TRAPPC13: variants seen among roughly 807,000 people sequenced by gnomAD.
TRAPPC13 encodes the protein trafficking protein particle complex subunit 13, also known as REV7-interacting novel NHEJ regulator 1.
Under a neutral mutation model 54.0 loss-of-function variants are expected in TRAPPC13, and 39 were observed. That is an observed-to-expected ratio of 0.72 (90% CI 0.56 to 0.94). The LOEUF (loss-of-function observed/expected upper bound fraction) is 0.94, where lower values mean the gene tolerates loss of function less well. TRAPPC13 is among the 40% of genes least tolerant of loss of function. The probability of loss-of-function intolerance (pLI) is 0.00; values close to 1 mark genes in which losing one functional copy is unlikely to be tolerated. For missense variants in TRAPPC13, 386 were observed against 488.1 expected (o/e 0.79, Z 1.97); for synonymous variants, 148 against 167.7 (o/e 0.88, Z 0.91).
chr5:65,640,621 T>C (rs749562945), intron 4 of TRAPPC13, among the ~76,000 whole-genome samples: 1 of 152,250 alleles, frequency 6.6e-6, no homozygotes, highest in Non-Finnish European at 1.5e-5. Flanking sequence ...TTTGAGAACA[T>C]ATACTTTTGT....
intron 1 of TRAPPC13, among the ~76,000 whole-genome samples, chr5:65,628,943 T>C (rs542383852): frequency 6.6e-6 from 1 of 151,690 alleles, no homozygotes; most frequent in East Asian, 1.9e-4. Flanking sequence ...TCAGCTTCCC[T>C]AGTAGCTGGG....
At chr5:65,638,767 C>T (rs1364068004) in intron 4 of TRAPPC13, among the ~76,000 whole-genome samples, 1 of 152,136 alleles carries the variant, frequency 6.6e-6, no homozygotes, top group Non-Finnish European at 1.5e-5. Flanking sequence ...AGAGCTTGTG[C>T]GGGGAAACTC....
intron 7 of TRAPPC13, among the ~76,000 whole-genome samples, chr5:65,655,123 C>A (rs1249816514): frequency 1.3e-5 from 2 of 152,112 alleles, no homozygotes; most frequent in Non-Finnish European, 2.9e-5. Flanking sequence ...GAAGAGAATT[C>A]TCAATTTTTT....
chr5:65,630,362 A>G, intron 1 of TRAPPC13: 2 of 1,465,570 alleles, frequency 1.4e-6, no homozygotes, highest in Non-Finnish European at 1.8e-6. Flanking sequence ...GATTGTCAAA[A>G]AGAATATTCT....
At chr5:65,635,240 T>G (rs373095857) in intron 1 of TRAPPC13, 61 bp from the exon 2 acceptor site, 2 of 1,402,400 alleles carry the variant, frequency 1.4e-6, no homozygotes, top group South Asian at 1.2e-5. Context: ...ACACTAGACT[T>G]GAGAATATTA....
intron 5 of TRAPPC13, among the ~76,000 whole-genome samples, chr5:65,647,694 C>T (rs1272835304): frequency 6.6e-6 from 1 of 151,858 alleles, no homozygotes; most frequent in East Asian, 1.9e-4. Flanking sequence ...GTCTGAGAGG[C>T]AATATGAAAA....
At chr5:65,631,913 A>AG (rs1554127834) in intron 1 of TRAPPC13, among the ~76,000 whole-genome samples, 2 of 102,722 alleles carry the variant, frequency 1.9e-5, no homozygotes, top group South Asian at 3.5e-4. Flanking sequence ...CAGGACACTA[A>AG]GAAAAAAAAA....
chr5:65,646,582 T>C (rs1358721424), intron 4 of TRAPPC13, among the ~76,000 whole-genome samples: 2 of 152,176 alleles, frequency 1.3e-5, no homozygotes, highest in Non-Finnish European at 2.9e-5. Flanking sequence ...CCACAATGTA[T>C]TATTTTGTTT....
intron 4 of TRAPPC13, among the ~76,000 whole-genome samples, chr5:65,644,824 T>C (rs11748197): frequency 0.056 from 8,416 of 148,982 alleles, 339 homozygotes; most frequent in Non-Finnish European, 0.088. Context: ...GAGGTTGCAG[T>C]GAGCCAAGAT....
At chr5:65,630,534 T>C (rs1755497321) in intron 1 of TRAPPC13, 1 of 1,271,562 alleles carries the variant, frequency 7.9e-7, no homozygotes, top group Non-Finnish European at 9.9e-7. Context: ...TTGTTTACAC[T>C]GAATTTGAAG....
chr5:65,643,568 C>G (rs1294667252), intron 4 of TRAPPC13, among the ~76,000 whole-genome samples: 2 of 151,926 alleles, frequency 1.3e-5, no homozygotes, highest in African/African-American at 4.8e-5. Flanking sequence ...CCTGTAATCC[C>G]AGCACTTTGG....
intron 6 of TRAPPC13, among the ~76,000 whole-genome samples, 195 bp from the exon 7 acceptor site, chr5:65,652,306 T>C (rs995622016): frequency 4.0e-5 from 6 of 148,702 alleles, no homozygotes; most frequent in Non-Finnish European, 4.5e-5. Context: ...TGGTAGCCTC[T>C]CAAAAAATAC....
At position 65,635,413 on chromosome 5, in the gene TRAPPC13, A is replaced by T. The variant is rs372468667; in HGVS notation, c.115+44A>T. Reference sequence around the variant, plus strand: ...TCTATTTGCACCTAGGGAAAGGTTGAAACCTGAATTGCCTGCATTACCTTG... The same window carrying T: ...TCTATTTGCACCTAGGGAAAGGTTGTAACCTGAATTGCCTGCATTACCTTG... On this transcript the variant is annotated intron_variant, in intron 2 of 12. Transcript: ENST00000399438. 44 of 1,511,484 alleles carry T rather than the reference A, an allele frequency of 2.9e-5. No individual in the cohort carries two copies. In the African/African-American group the frequency reaches 5.9e-4, roughly 20 times the overall value. The allele number at this position is 1,511,484 out of a possible 1,614,324, so 93.6% of individuals were successfully genotyped here.
At chr5:65,639,497 CA>C (rs1448522106) in intron 4 of TRAPPC13, among the ~76,000 whole-genome samples, 1 of 152,038 alleles carries the variant, frequency 6.6e-6, no homozygotes, top group African/African-American at 2.4e-5. Flanking sequence ...CCCATCTCTA[CA>C]AACAATTTAA....
At chr5:65,648,937 G>A (rs775850355) in intron 5 of TRAPPC13, among the ~76,000 whole-genome samples, 5 of 152,004 alleles carry the variant, frequency 3.3e-5, no homozygotes, top group African/African-American at 4.8e-5. Context: ...TTTTTGGGCC[G>A]GGTGTGGTGG....
chr5:65,627,980 C>A (rs964768895), intron 1 of TRAPPC13, among the ~76,000 whole-genome samples: 1 of 152,032 alleles, frequency 6.6e-6, no homozygotes, highest in African/African-American at 2.4e-5. Flanking sequence ...GTGGGAGAAC[C>A]CTCATCAAGT....
intron 5 of TRAPPC13, among the ~76,000 whole-genome samples, chr5:65,648,831 T>A (rs1234653570): frequency 6.6e-6 from 1 of 152,162 alleles, no homozygotes; most frequent in Admixed American, 6.5e-5. Context: ...TAAATAATAT[T>A]TTACAAAATT....
chr5:65,643,105 G>T lies in TRAPPC13; in HGVS notation c.301-3950G>T, dbSNP rs137999776. Among the ~76,000 whole-genome samples the T allele has an allele frequency of 2.9e-3, 438 of 150,900 alleles. 2 individuals are homozygous for T. The highest frequency in any genetic ancestry group is 5.3e-3 in the Non-Finnish European group (359 of 67,808). ...TTTAAAGAATTCTGTAATTTCAGTC[G>T]TATTTCACCTTCTACCCAAGGGTTG... is the stretch of plus-strand genomic sequence containing the variant. On this transcript the variant is annotated intron_variant, in intron 4 of 12. Coordinates refer to ENST00000399438, the MANE Select transcript of TRAPPC13 (RefSeq NM_024941.4).
chr5:65,662,190 A>T, intron 11 of TRAPPC13, 40 bp downstream of exon 11: 1 of 1,380,488 alleles, frequency 7.2e-7, no homozygotes, highest in South Asian at 1.3e-5. Context: ...TTTCTACCTC[A>T]CCTGCCTAGA....
Sources: allele counts gnomAD v4.1 joint callset (sites outside exome capture counted in the v4.1 genomes callset), GRCh38; gene constraint gnomAD v4.1.1; transcripts MANE v1.5; gene names NCBI Gene and HGNC (gene_info 2026-07-23, HGNC 2026-07-21).